The following KLF8 variants were observed in gnomAD, a reference collection of about 807,000 sequenced individuals.
KLF8 encodes the protein KLF transcription factor 8.
A neutral mutation model predicts 18.2 loss-of-function variants in KLF8; 10 were observed. The observed-to-expected ratio is 0.55, with a 90% CI of 0.34 to 0.93. KLF8 has a LOEUF of 0.93. KLF8 is among the 40% of genes least tolerant of loss of function. KLF8 has a pLI of 0.02. For synonymous variants in KLF8, 109 were observed against 97.3 expected (o/e 1.12, Z -0.71); for missense variants, 264 against 277.9 (o/e 0.95, Z 0.36).
the KLF8 span, among the ~76,000 whole-genome samples, chrX:55,985,765 T>C: frequency 9.0e-6 from 1 of 110,860 alleles, no homozygotes; most frequent in Non-Finnish European, 1.9e-5. Flanking sequence ...TTCAGGAGCA[T>C]GGAATGTTTT....
chrX:56,160,788 C>T, the KLF8 span, among the ~76,000 whole-genome samples: 119 of 111,145 alleles, frequency 1.1e-3, no homozygotes, highest in African/African-American at 3.3e-3. Flanking sequence ...TGTGTCTCTG[C>T]GCGTGAGATG....
the KLF8 span, among the ~76,000 whole-genome samples, chrX:56,115,516 G>T: frequency 9.0e-6 from 1 of 111,432 alleles, no homozygotes; most frequent in Non-Finnish European, 1.9e-5. Flanking sequence ...TATTCCCTAT[G>T]CATTTTGGAG....
the KLF8 span, among the ~76,000 whole-genome samples, chrX:56,168,469 A>T: frequency 1.8e-5 from 2 of 112,467 alleles, no homozygotes; most frequent in Admixed American, 9.4e-5. Context: ...TAAAATGTTT[A>T]TGACCTTTTA....
chrX:56,109,168 G>C, the KLF8 span, among the ~76,000 whole-genome samples: 1 of 111,101 alleles, frequency 9.0e-6, no homozygotes, highest in Admixed American at 9.6e-5. Flanking sequence ...AGGCCAAGGT[G>C]GGAGGATCAT....
chrX:56,230,041 A>G (rs2066389878), upstream of KLF8, among the ~76,000 whole-genome samples: 1 of 112,499 alleles, frequency 8.9e-6, no homozygotes, highest in African/African-American at 3.2e-5. Flanking sequence ...CTTAAAATAA[A>G]TTTGTCAACA....
chrX:56,014,309 G>A, the KLF8 span, among the ~76,000 whole-genome samples: 2 of 111,902 alleles, frequency 1.8e-5, no homozygotes, highest in Non-Finnish European at 3.8e-5. Context: ...GTTAAAAAGT[G>A]GGCAAAGGAC....
chrX:56,071,257 AGAC>A, the KLF8 span, among the ~76,000 whole-genome samples: 1 of 111,750 alleles, frequency 8.9e-6, no homozygotes, highest in African/African-American at 3.3e-5. Flanking sequence ...AAGTATTAAA[AGAC>A]AAAAAAACTA....
At chrX:56,052,597 G>A in the KLF8 span, among the ~76,000 whole-genome samples, 1 of 111,846 alleles carries the variant, frequency 8.9e-6, no homozygotes, top group African/African-American at 3.3e-5. Context: ...AGGGGTCAAG[G>A]ACCCACTTGA....
the KLF8 span, among the ~76,000 whole-genome samples, chrX:55,922,466 A>T: frequency 8.9e-6 from 1 of 112,225 alleles, no homozygotes; most frequent in South Asian, 3.7e-4. Context: ...TGTCAGGGGG[A>T]CAGCAGGGGG....
At chrX:56,259,055 C>T (rs2066845919) in intron 2 of KLF8, among the ~76,000 whole-genome samples, 1 of 111,581 alleles carries the variant, frequency 9.0e-6, no homozygotes, top group South Asian at 3.8e-4. Flanking sequence ...CTTTATTTTT[C>T]GTTTCTGATT....
At chrX:56,273,207 T>C (rs1402763988) in intron 5 of KLF8, among the ~76,000 whole-genome samples, 1 of 111,764 alleles carries the variant, frequency 8.9e-6, no homozygotes, top group Non-Finnish European at 1.9e-5. Flanking sequence ...AGTAGGTTTA[T>C]ATATTTATGA....
the KLF8 span, among the ~76,000 whole-genome samples, chrX:55,947,301 T>G: frequency 7.3e-5 from 8 of 110,186 alleles, no homozygotes; most frequent in African/African-American, 9.9e-5. Flanking sequence ...GGAATACTAT[T>G]CGGCCATAAA....
chrX:56,230,905 C>T (rs748859300), upstream of KLF8, among the ~76,000 whole-genome samples: 4 of 110,574 alleles, frequency 3.6e-5, no homozygotes, highest in Non-Finnish European at 7.6e-5. Context: ...TCAGTTTTGC[C>T]TGAAGAAATT....
the KLF8 span, among the ~76,000 whole-genome samples, chrX:55,936,392 G>A: frequency 8.9e-6 from 1 of 112,392 alleles, no homozygotes; most frequent in South Asian, 3.7e-4. Flanking sequence ...GAATCTAGTC[G>A]AGGTGGAGCC....
chrX:56,209,457 G>A, the KLF8 span, among the ~76,000 whole-genome samples: 1 of 110,419 alleles, frequency 9.1e-6, no homozygotes, highest in African/African-American at 3.3e-5. Flanking sequence ...TACATTCAAT[G>A]TCATTATTCA....
chrX:55,977,780 G>A, the KLF8 span, among the ~76,000 whole-genome samples: 1 of 111,498 alleles, frequency 9.0e-6, no homozygotes, highest in Admixed American at 9.6e-5. Context: ...CACTTGCACT[G>A]CTAAGTAGAG....
At chrX:56,064,024 G>C in the KLF8 span, among the ~76,000 whole-genome samples, 1 of 107,771 alleles carries the variant, frequency 9.3e-6, no homozygotes, top group African/African-American at 3.4e-5. Flanking sequence ...TATATAGAAT[G>C]TGCATGTGTA....
chrX:55,991,211 G>T, the KLF8 span, among the ~76,000 whole-genome samples: 1 of 111,976 alleles, frequency 8.9e-6, no homozygotes, highest in Admixed American at 9.4e-5. Flanking sequence ...AATGGCAGGC[G>T]CCCTTCCCCA....
At chrX:56,038,674 A>G in the KLF8 span, among the ~76,000 whole-genome samples, 1 of 112,453 alleles carries the variant, frequency 8.9e-6, no homozygotes, top group Non-Finnish European at 1.9e-5. Context: ...GCTGCAATGA[A>G]CATATGCATG....
Sources: allele counts gnomAD v4.1 joint callset (sites outside exome capture counted in the v4.1 genomes callset), GRCh38; gene constraint gnomAD v4.1.1; transcripts MANE v1.5; gene names NCBI Gene and HGNC (gene_info 2026-07-23, HGNC 2026-07-21).